LAMA2: variants seen among roughly 807,000 people sequenced by gnomAD.
The protein encoded by LAMA2 is laminin subunit alpha-2.
LAMA2 carries 269 observed loss-of-function variants against 364.8 expected under a neutral mutation model. That is an observed-to-expected ratio of 0.74 (90% CI 0.67 to 0.82). The LOEUF is 0.82. LAMA2 is among the 40% of genes least tolerant of loss of function. The pLI, the probability that LAMA2 is intolerant of heterozygous loss-of-function variation, is 0.00. For synonymous variants in LAMA2, 1,379 were observed against 1,370.6 expected, an observed-to-expected ratio of 1.01 and a Z score of -0.14; for missense variants, 3,807 against 3,873.2, an observed-to-expected ratio of 0.98 and a Z score of 0.45.
intron 4 of LAMA2, among the ~76,000 whole-genome samples, chr6:129,106,874 A>AT (rs57708941): frequency 0.034 from 4,855 of 142,884 alleles, 141 homozygotes; most frequent in African/African-American, 0.097. Context: ...AAAAAAAAAA[A>AT]AATATATATA....
chr6:128,912,551 G>C (rs982117913), intron 1 of LAMA2, among the ~76,000 whole-genome samples: 1 of 151,956 alleles, frequency 6.6e-6, no homozygotes, highest in Admixed American at 6.6e-5. Context: ...TATAATTATG[G>C]GTAAGGCAGT....
intron 17 of LAMA2, among the ~76,000 whole-genome samples, chr6:129,275,724 TA>T (rs5879937): frequency 0.77 from 110,548 of 144,506 alleles, 42,799 homozygotes; most frequent in Admixed American, 0.85. Context: ...TAAAAATTTG[TA>T]AAAAAAAAAA....
At chr6:129,205,198 G>A (rs1300311223) in intron 12 of LAMA2, among the ~76,000 whole-genome samples, 6 of 150,260 alleles carry the variant, frequency 4.0e-5, no homozygotes, top group Non-Finnish European at 8.8e-5. Context: ...GACCATCCTG[G>A]TTAACATGGT....
At chr6:129,379,164 A>G (rs1778538176) in intron 34 of LAMA2, among the ~76,000 whole-genome samples, 1 of 152,182 alleles carries the variant, frequency 6.6e-6, no homozygotes, top group Non-Finnish European at 1.5e-5. Flanking sequence ...ATGAGAACAC[A>G]TAGACATGTA....
chr6:129,473,128 C>A, intron 51 of LAMA2, 86 bp from the exon 52 acceptor site: 1 of 1,081,868 alleles, frequency 9.2e-7, no homozygotes, highest in Non-Finnish European at 1.4e-6. Flanking sequence ...TCGAATTAAA[C>A]CAAATTTGTC....
intron 40 of LAMA2, among the ~76,000 whole-genome samples, chr6:129,417,168 C>CG (rs954080453): frequency 6.6e-5 from 10 of 151,942 alleles, no homozygotes; most frequent in East Asian, 1.9e-4. Flanking sequence ...CCACCATTTG[C>CG]GGGGGGGTCC....
chr6:129,120,823 CA>C (rs1776762786), intron 4 of LAMA2, among the ~76,000 whole-genome samples: 1 of 149,300 alleles, frequency 6.7e-6, no homozygotes. Flanking sequence ...GGAACAAAGG[CA>C]AAAGATACGG....
chr6:129,414,662 A>G (rs915402201), intron 40 of LAMA2, among the ~76,000 whole-genome samples: 2 of 152,194 alleles, frequency 1.3e-5, no homozygotes, highest in African/African-American at 4.8e-5. Flanking sequence ...GGGTCTGGAA[A>G]TGAAACAACA....
intron 1 of LAMA2, among the ~76,000 whole-genome samples, chr6:128,920,429 TA>T (rs1778624815): frequency 6.6e-6 from 1 of 152,142 alleles, no homozygotes; most frequent in Non-Finnish European, 1.5e-5. Context: ...GTGCTGGGAT[TA>T]CAGGCGTGAG....
intron 17 of LAMA2, among the ~76,000 whole-genome samples, chr6:129,271,844 A>G (rs959899034): frequency 6.6e-6 from 1 of 151,730 alleles, no homozygotes; most frequent in African/African-American, 2.4e-5. Context: ...TGTAGATGTG[A>G]TCAAGTAGGT....
chr6:128,897,540 G>T (rs775023997), intron 1 of LAMA2, among the ~76,000 whole-genome samples: 1 of 152,144 alleles, frequency 6.6e-6, no homozygotes, highest in Non-Finnish European at 1.5e-5. Context: ...TCCATTAATG[G>T]ATATATGACA....
Position 129,059,817 on chromosome 6 carries a change from A to G in LAMA2, c.317A>G (p.Lys106Arg), listed in dbSNP as rs1788767212. The G allele has an allele frequency of 4.3e-6, 7 of 1,610,364 alleles. No homozygotes were observed. The highest frequency in any genetic ancestry group is 5.9e-6 in the Non-Finnish European group (7 of 1,176,716). Residue 106 changes from lysine to arginine, a missense_variant, in exon 3 of 65, where the codon AAG becomes AGG. Transcript: ENST00000421865. ...CCGATTACAAATGCTATTGATGGAA[A>G]GAACACTTGGTGGCAGAGTCCCAGT... The part of the protein sequence containing the change: ...RHPITNAIDG[K>R]NTWWQSPSIK...
chr6:128,978,218 G>T (rs1782650894), intron 1 of LAMA2, among the ~76,000 whole-genome samples: 1 of 152,162 alleles, frequency 6.6e-6, no homozygotes, highest in East Asian at 1.9e-4. Flanking sequence ...AATCATTGAG[G>T]TCGCTTGTGA....
intron 12 of LAMA2, among the ~76,000 whole-genome samples, chr6:129,205,493 T>TACACACACACAC (rs767013359): frequency 2.9e-5 from 3 of 104,274 alleles, no homozygotes; most frequent in Non-Finnish European, 5.5e-5. Context: ...TATATATATA[T>TACACACACACAC]ACACACACAC....
rs139675425 is a variant in LAMA2, at chr6:129,132,529, A to G, written c.640-11372A>G. The stretch of plus-strand genomic sequence containing the variant: ...TGGATAAGAATGCAAACCCAAGAAC[A>G]TGTCCTGCTTTCCTTGATGCACATT... On this transcript the variant is annotated intron_variant, in intron 4 of 64. Transcript: ENST00000421865. Among the ~76,000 whole-genome samples, 1,021 of 152,248 alleles carry G rather than the reference A, an allele frequency of 6.7e-3. 13 individuals carry two copies. Among genetic ancestry groups the G allele is most frequent in the African/African-American group, 0.024 (981 of 41,544 alleles).
intron 16 of LAMA2, among the ~76,000 whole-genome samples, chr6:129,270,228 C>T (rs1018088282): frequency 6.6e-6 from 1 of 151,106 alleles, no homozygotes; most frequent in African/African-American, 2.4e-5. Flanking sequence ...GAATCAGCTA[C>T]AATTTCCATT....
Position 129,516,451 on chromosome 6 carries a change from T to TGTACATA in LAMA2, c.*106_*112dup, listed in dbSNP as rs1491463307. 11 of 1,172,446 alleles carry TGTACATA rather than the reference T, an allele frequency of 9.4e-6. 1 individual carries two copies. The Admixed American group carries it at 2.2e-4, about 23-fold the overall frequency. The allele number at this position is 1,172,446 out of a possible 1,614,324, so 72.6% of individuals were successfully genotyped here. A position where few individuals can be genotyped will look rare whatever the true frequency, so the allele number is the denominator to read the frequency against. ...TATGTTAATTAAACTAATTTGTGCA[T>TGTACATA]GTACATAGAATTCTTTCTGTATTCA... On this transcript the variant is annotated 3_prime_UTR_variant, in exon 65 of 65. Transcript: ENST00000421865.
intron 1 of LAMA2, among the ~76,000 whole-genome samples, chr6:128,989,873 T>C (rs1783498478): frequency 6.6e-6 from 1 of 152,158 alleles, no homozygotes; most frequent in Admixed American, 6.5e-5. Context: ...CCTGCTTTCC[T>C]GTTTATAGAC....
chr6:128,966,064 T>C (rs1271393663), intron 1 of LAMA2, among the ~76,000 whole-genome samples: 1 of 147,394 alleles, frequency 6.8e-6, no homozygotes, highest in African/African-American at 2.5e-5. Flanking sequence ...GGAATTGAGA[T>C]CCACAGATAA....
Sources: gnomAD v4.1 joint callset for allele counts (sites outside exome capture counted in the v4.1 genomes callset) on GRCh38, gnomAD v4.1.1 for gene constraint, MANE v1.5 for transcripts, NCBI Gene and HGNC (gene_info 2026-07-23, HGNC 2026-07-21) for gene names.